GALNT17: variants seen among roughly 807,000 people sequenced by gnomAD.
GALNT17 encodes polypeptide N-acetylgalactosaminyltransferase 17.
Under a neutral mutation model 63.7 loss-of-function variants are expected in GALNT17, and 29 were observed. The observed-to-expected ratio is 0.46, with a 90% CI of 0.34 to 0.62. GALNT17 has a LOEUF of 0.62. Among genes scored for constraint, GALNT17 ranks in the 20% least tolerant of loss-of-function variants. The pLI is 0.01. For synonymous variants in GALNT17, 305 were observed against 318.3 expected (o/e 0.96, Z 0.45); for missense variants, 603 against 799.6 (o/e 0.75, Z 2.97).
intron 5 of GALNT17, among the ~76,000 whole-genome samples, chr7:71,494,895 C>T (rs1280717808): frequency 2.0e-5 from 3 of 152,126 alleles, no homozygotes; most frequent in Non-Finnish European, 2.9e-5. Context: ...CATCAGATCG[C>T]GTGAGACTTA....
chr7:71,233,925 G>A (rs1477531744), intron 1 of GALNT17, among the ~76,000 whole-genome samples: 1 of 152,160 alleles, frequency 6.6e-6, no homozygotes, highest in Non-Finnish European at 1.5e-5. Flanking sequence ...GTCTCACATG[G>A]CCAGAGAAGG....
chr7:71,598,770 T>G (rs1789924224), intron 6 of GALNT17, among the ~76,000 whole-genome samples: 1 of 151,586 alleles, frequency 6.6e-6, no homozygotes, highest in Non-Finnish European at 1.5e-5. Flanking sequence ...CTCTGAGTTG[T>G]GGAGACATTA....
chr7:71,367,243 G>T (rs1792530085), intron 2 of GALNT17, among the ~76,000 whole-genome samples: 1 of 152,108 alleles, frequency 6.6e-6, no homozygotes, highest in African/African-American at 2.4e-5. Flanking sequence ...ATAGGCTTCT[G>T]AGTATCTTTG....
At chr7:71,290,101 C>A (rs1005208877) in intron 1 of GALNT17, among the ~76,000 whole-genome samples, 1 of 152,128 alleles carries the variant, frequency 6.6e-6, no homozygotes, top group Non-Finnish European at 1.5e-5. Flanking sequence ...TTGAAGTGTA[C>A]GATTCTGTGG....
rs568583460 is a variant in GALNT17 at position 71,190,893 on chromosome 7, A to C, written c.238+57853A>C. On this transcript the variant is annotated intron_variant, in intron 1 of 10. Transcript: ENST00000333538. ...TGATCTGCCTGCCCCAGCCTCCCAA[A>C]GTGCTGGGATTTTACAGGCATGAGC... Among the ~76,000 whole-genome samples, 64 of 152,234 alleles carry C rather than the reference A, an allele frequency of 4.2e-4. 2 individuals are homozygous for C. In the Middle Eastern group the frequency reaches 0.01, roughly 24 times the overall value.
At chr7:71,711,623 TTCCTC>T (rs1562745715) in intron 10 of GALNT17, among the ~76,000 whole-genome samples, 1 of 151,224 alleles carries the variant, frequency 6.6e-6, no homozygotes, top group African/African-American at 2.4e-5. Context: ...CTTCTCTCTG[TTCCTC>T]TCCTCTCTTC....
At chr7:71,710,678 C>A in intron 9 of GALNT17, 83 bp from the exon 10 acceptor site, 9 of 1,501,236 alleles carry the variant, frequency 6.0e-6, no homozygotes, top group Non-Finnish European at 7.3e-6. Flanking sequence ...AGGAGTAAAG[C>A]CGAGAGACCT....
intron 2 of GALNT17, among the ~76,000 whole-genome samples, chr7:71,359,452 G>A (rs1370133643): frequency 6.6e-6 from 1 of 152,134 alleles, no homozygotes; most frequent in Non-Finnish European, 1.5e-5. Flanking sequence ...CATGAGGATA[G>A]CTCCAAGGCA....
chr7:71,258,728 C>A (rs1280766870), intron 1 of GALNT17, among the ~76,000 whole-genome samples: 2 of 150,520 alleles, frequency 1.3e-5, no homozygotes, highest in Admixed American at 1.3e-4. Context: ...TGCAGGAAAA[C>A]TGCAAATAAA....
chr7:71,566,638 C>T (rs1789352744), intron 5 of GALNT17, among the ~76,000 whole-genome samples: 1 of 151,536 alleles, frequency 6.6e-6, no homozygotes, highest in African/African-American at 2.4e-5. Context: ...TCCCTGTAGC[C>T]TTCCTCTTCT....
chr7:71,703,514 TAC>T (rs1791681761), intron 9 of GALNT17, among the ~76,000 whole-genome samples: 1 of 152,180 alleles, frequency 6.6e-6, no homozygotes, highest in Non-Finnish European at 1.5e-5. Context: ...GGCCCCATGA[TAC>T]AGTTACCTCC....
chr7:71,422,487 A>T (rs1051728602), intron 5 of GALNT17, among the ~76,000 whole-genome samples: 2 of 152,236 alleles, frequency 1.3e-5, no homozygotes, highest in East Asian at 3.9e-4. Flanking sequence ...TTATTTGGGA[A>T]AAAGTGAAAT....
intron 5 of GALNT17, among the ~76,000 whole-genome samples, chr7:71,568,409 A>G (rs974830475): frequency 4.6e-5 from 7 of 152,206 alleles, no homozygotes; most frequent in Non-Finnish European, 8.8e-5. Flanking sequence ...AAATGGTTGC[A>G]ATAACAATAC....
intron 6 of GALNT17, among the ~76,000 whole-genome samples, chr7:71,622,613 A>G (rs188926216): frequency 3.2e-4 from 49 of 152,254 alleles, no homozygotes; most frequent in African/African-American, 1.2e-3. Context: ...TAACACTTCC[A>G]GGACACAACA....
At chr7:71,612,638 G>A (rs1347371757) in intron 6 of GALNT17, among the ~76,000 whole-genome samples, 1 of 152,146 alleles carries the variant, frequency 6.6e-6, no homozygotes, top group East Asian at 1.9e-4. Flanking sequence ...TTTCTTTACA[G>A]AATGCTGATT....
intron 6 of GALNT17, among the ~76,000 whole-genome samples, chr7:71,591,888 C>T (rs932986572): frequency 6.6e-6 from 1 of 152,180 alleles, no homozygotes; most frequent in East Asian, 1.9e-4. Context: ...GTCTCGAAGT[C>T]CTGACCTCAG....
intron 1 of GALNT17, among the ~76,000 whole-genome samples, chr7:71,195,476 G>C (rs1188672884): frequency 6.6e-6 from 1 of 151,690 alleles, no homozygotes; most frequent in Non-Finnish European, 1.5e-5. Context: ...CAGCCTCCTG[G>C]GCTCAGGAGA....
At chr7:71,635,332 A>C (rs1223721856) in intron 6 of GALNT17, among the ~76,000 whole-genome samples, 2 of 152,138 alleles carry the variant, frequency 1.3e-5, no homozygotes, top group African/African-American at 4.8e-5. Flanking sequence ...AATGTTTCTT[A>C]CTAGACTTAA....
intron 5 of GALNT17, among the ~76,000 whole-genome samples, chr7:71,498,652 C>T (rs6960474): frequency 0.16 from 24,345 of 151,984 alleles, 2,207 homozygotes; most frequent in Middle Eastern, 0.33. Flanking sequence ...AGGAGATGAA[C>T]ATTTGCCCAG....
Sources: gnomAD v4.1 joint callset for allele counts (sites outside exome capture counted in the v4.1 genomes callset) on GRCh38, gnomAD v4.1.1 for gene constraint, MANE v1.5 for transcripts, NCBI Gene and HGNC (gene_info 2026-07-23, HGNC 2026-07-21) for gene names.